Variants in PARD3B observed in about 807,000 individuals in gnomAD.
PARD3B encodes partitioning defective 3 homolog B.
A neutral mutation model predicts 130.2 loss-of-function variants in PARD3B; 103 were observed. The ratio of observed to expected loss-of-function variants is 0.79; its 90% CI spans 0.67 to 0.93. The LOEUF is 0.93. PARD3B is among the 40% of genes least tolerant of loss of function. The probability of loss-of-function intolerance (pLI) is 0.00; values close to 1 mark genes in which losing one functional copy is unlikely to be tolerated. For synonymous variants in PARD3B, 583 were observed against 553.2 expected (o/e 1.05, Z -0.76); for missense variants, 1,609 against 1,499.2 (o/e 1.07, Z -1.21).
At chr2:204,572,829 T>A (rs937058359) in intron 1 of PARD3B, among the ~76,000 whole-genome samples, 1 of 152,200 alleles carries the variant, frequency 6.6e-6, no homozygotes, top group Non-Finnish European at 1.5e-5. Flanking sequence ...AAAGATACTA[T>A]GTAGTTCCTA....
intron 15 of PARD3B, among the ~76,000 whole-genome samples, chr2:205,217,599 C>A (rs1173480827): frequency 1.3e-5 from 2 of 151,928 alleles, no homozygotes; most frequent in African/African-American, 2.4e-5. Flanking sequence ...AGTGAAGGAA[C>A]AAGATGCAGG....
chr2:204,730,032 C>CAT (rs1479719844), intron 2 of PARD3B, among the ~76,000 whole-genome samples: 21 of 149,606 alleles, frequency 1.4e-4, no homozygotes, highest in African/African-American at 4.5e-4. Flanking sequence ...CACACACACA[C>CAT]ACAGTGACTA....
chr2:204,902,601 G>A (rs574429543), intron 2 of PARD3B, among the ~76,000 whole-genome samples: 8 of 150,004 alleles, frequency 5.3e-5, no homozygotes, highest in Middle Eastern at 3.5e-3. Flanking sequence ...CCCGGGAGGC[G>A]GAGCTTGCAG....
intron 20 of PARD3B, among the ~76,000 whole-genome samples, chr2:205,489,742 G>C (rs2049617878): frequency 6.6e-6 from 1 of 151,842 alleles, no homozygotes; most frequent in African/African-American, 2.4e-5. Context: ...TTTGTTACTG[G>C]CTTATTATGG....
intron 4 of PARD3B, among the ~76,000 whole-genome samples, chr2:205,094,155 A>G (rs538057062): frequency 4.6e-5 from 7 of 152,176 alleles, no homozygotes; most frequent in African/African-American, 1.7e-4. Context: ...CCCTTCCCCA[A>G]ATTGTTTATT....
At chr2:205,532,642 A>G (rs113498119) in intron 21 of PARD3B, among the ~76,000 whole-genome samples, 5 of 152,168 alleles carry the variant, frequency 3.3e-5, no homozygotes, top group African/African-American at 9.6e-5. Context: ...CTCTCATTCC[A>G]CAAAGCTACA....
chr2:205,072,577 A>G (rs924145289), intron 4 of PARD3B, among the ~76,000 whole-genome samples: 2 of 152,188 alleles, frequency 1.3e-5, no homozygotes, highest in Admixed American at 6.5e-5. Context: ...GGTGGAGACA[A>G]TTAAATTTTA....
At chr2:205,114,844 T>C (rs913182596) in intron 6 of PARD3B, among the ~76,000 whole-genome samples, 13 of 152,078 alleles carry the variant, frequency 8.5e-5, no homozygotes, top group African/African-American at 2.7e-4. Flanking sequence ...CTAGCAACTC[T>C]TATTGTCTCA....
chr2:205,600,279 G>A lies in PARD3B; in HGVS notation c.3261-15177G>A, dbSNP rs149191595. 5.2e-3 allele frequency among the ~76,000 whole-genome samples: 795 copies of A among 152,272 alleles called. 2 individuals are homozygous for A. The highest frequency in any genetic ancestry group is 8.6e-3 in the Non-Finnish European group (588 of 68,010). On this transcript the variant is annotated intron_variant, in intron 22 of 22. Coordinates refer to ENST00000406610, the MANE Select transcript of PARD3B (RefSeq NM_001302769.2). ...TAGATTTCTAGTGGGCTAACTGCAC[G>A]AATCATGACATTCTCCAAAGAGACC...
At position 205,115,647 on chromosome 2, in the gene PARD3B, A is replaced by C. The variant is rs976003414; in HGVS notation, c.680+2070A>C. ...TTAAAAATGCTATGGAAGTGGAGAC[A>C]TGAGCCAATAAAAGTTAAGGAGTAA... On this transcript the variant is annotated intron_variant, in intron 6 of 22. Coordinates refer to ENST00000406610, the MANE Select transcript of PARD3B (RefSeq NM_001302769.2). Among the ~76,000 whole-genome samples the C allele has an allele frequency of 1.2e-4, 19 of 152,304 alleles. No individual in the cohort carries two copies. In the East Asian group the frequency reaches 3.3e-3, roughly 26 times the overall value.
chr2:204,935,417 T>C lies in PARD3B; in HGVS notation c.223-29735T>C, dbSNP rs184780754. ...AGCCTGGCATGGTGACGGGCGCCTGTAGTCCCAGCTACTCGGGAGGCTGAG... is the reference window on the plus strand; with the variant it reads ...AGCCTGGCATGGTGACGGGCGCCTGCAGTCCCAGCTACTCGGGAGGCTGAG... On this transcript the variant is annotated intron_variant, in intron 2 of 22. Transcript: ENST00000406610. Among the ~76,000 whole-genome samples the C allele has an allele frequency of 3.1e-3, 459 of 150,112 alleles. 3 individuals carry two copies. The highest frequency in any genetic ancestry group is 0.011 in the African/African-American group (436 of 41,064).
At chr2:205,054,434 ATATTTTTTTTTTTTT>A (rs1699489984) in intron 4 of PARD3B, among the ~76,000 whole-genome samples, 1 of 29,480 alleles carries the variant, frequency 3.4e-5, no homozygotes, top group Non-Finnish European at 5.5e-5. Flanking sequence ...ATATATATAT[ATATTTTTTTTTTTTT>A]TTTTTTTTAA....
chr2:204,605,270 A>G (rs2125109720), intron 1 of PARD3B, among the ~76,000 whole-genome samples: 1 of 152,306 alleles, frequency 6.6e-6, no homozygotes, highest in South Asian at 2.1e-4. Context: ...CAAAGAACTC[A>G]CAGCCATCTT....
intron 20 of PARD3B, among the ~76,000 whole-genome samples, chr2:205,457,915 A>G (rs1348800305): frequency 6.6e-6 from 1 of 152,148 alleles, no homozygotes; most frequent in Non-Finnish European, 1.5e-5. Context: ...TGGATTTTGG[A>G]TTTTTAGATT....
At chr2:205,427,040 G>C (rs1367268747) in intron 19 of PARD3B, among the ~76,000 whole-genome samples, 4 of 152,160 alleles carry the variant, frequency 2.6e-5, no homozygotes, top group Non-Finnish European at 4.4e-5. Flanking sequence ...TATAAGAAGA[G>C]ATAGGCTAAT....
chr2:204,659,469 A>G (rs754252128), intron 1 of PARD3B, among the ~76,000 whole-genome samples: 6 of 152,286 alleles, frequency 3.9e-5, no homozygotes, highest in Non-Finnish European at 8.8e-5. Context: ...GAAGGCAAGA[A>G]GGAATGGTGA....
chr2:205,149,181 A>C (rs1385968434), intron 10 of PARD3B, among the ~76,000 whole-genome samples: 1 of 152,088 alleles, frequency 6.6e-6, no homozygotes, highest in African/African-American at 2.4e-5. Flanking sequence ...ATGCCAAGTA[A>C]TTACTTTTGA....
chr2:205,382,035 G>A (rs982488821), intron 18 of PARD3B, among the ~76,000 whole-genome samples: 14 of 152,120 alleles, frequency 9.2e-5, no homozygotes, highest in East Asian at 7.7e-4. Flanking sequence ...AAAATAGTGC[G>A]TAACGATGGT....
In PARD3B at chr2:205,351,921, C is replaced by T. The variant is rs1221924897; in HGVS notation, c.2631-49092C>T. Among the ~76,000 whole-genome samples the T allele has an allele frequency of 6.6e-6, 1 of 152,158 alleles. No individual in the cohort carries two copies. The highest frequency in any genetic ancestry group is 2.4e-5 in the African/African-American group (1 of 41,422). ...AGTGTCTTTCTGTCAAGCTACCTGCCTCCCAGGTACACGCGTATTGCTGAG... is the reference window on the plus strand; with the variant it reads ...AGTGTCTTTCTGTCAAGCTACCTGCTTCCCAGGTACACGCGTATTGCTGAG... On this transcript the variant is annotated intron_variant, in intron 18 of 22. Coordinates refer to ENST00000406610, the MANE Select transcript of PARD3B (RefSeq NM_001302769.2). This position sits in a 1 kb window ranked among gnomAD's most constrained non-coding sequence, Gnocchi z 4.2.
Sources: allele counts gnomAD v4.1 joint callset (sites outside exome capture counted in the v4.1 genomes callset), GRCh38; gene constraint gnomAD v4.1.1; non-coding constraint Gnocchi (gnomAD v3.1); transcripts MANE v1.5; gene names NCBI Gene and HGNC (gene_info 2026-07-23, HGNC 2026-07-21).